The following CERK variants were observed in gnomAD, a reference collection of about 807,000 sequenced individuals.
CERK encodes ceramide kinase.
Under a neutral mutation model 63.4 loss-of-function variants are expected in CERK, and 39 were observed. That is an observed-to-expected ratio of 0.61 (90% CI 0.48 to 0.80). The LOEUF (loss-of-function observed/expected upper bound fraction) is 0.80, where lower values mean the gene tolerates loss of function less well. Among genes scored for constraint, CERK ranks in the 30% least tolerant of loss-of-function variants. The pLI is 0.00. For missense variants in CERK, 670 were observed against 714.1 expected (o/e 0.94, Z 0.70); for synonymous variants, 302 against 280.0 (o/e 1.08, Z -0.78).
At chr22:46,703,627 C>T (rs2082798518) in intron 6 of CERK, among the ~76,000 whole-genome samples, 1 of 152,210 alleles carries the variant, frequency 6.6e-6, no homozygotes, top group South Asian at 2.1e-4. Flanking sequence ...GGAGCAGAGA[C>T]TCCACACAGC....
intron 1 of CERK, chr22:46,735,100 C>A (rs1269084289): frequency 6.6e-6 from 1 of 151,044 alleles, no homozygotes; most frequent in Non-Finnish European, 1.5e-5. Context: ...CACACACACA[C>A]TCTTCCCATT....
intron 6 of CERK, among the ~76,000 whole-genome samples, chr22:46,702,874 A>T (rs914542131): frequency 2.0e-5 from 3 of 152,228 alleles, no homozygotes; most frequent in Non-Finnish European, 4.4e-5. Context: ...CTGTGGGAGT[A>T]GCTGTGCTGG....
chr22:46,690,228 T>A (rs1358757273), intron 11 of CERK, 28 bp from the exon 12 acceptor site: 1 of 1,602,806 alleles, frequency 6.2e-7, no homozygotes, highest in Non-Finnish European at 8.5e-7. Flanking sequence ...GAGGGACCAT[T>A]CAGCTCTAAA....
chr22:46,737,427 A>G, intron 1 of CERK, among the ~76,000 whole-genome samples: 1 of 152,182 alleles, frequency 6.6e-6, no homozygotes, highest in Non-Finnish European at 1.5e-5. Flanking sequence ...CCTCATCCGG[A>G]GGGCCTCTGC....
chr22:46,723,525 A>G (rs982448410), intron 1 of CERK, among the ~76,000 whole-genome samples: 2 of 151,998 alleles, frequency 1.3e-5, no homozygotes, highest in African/African-American at 4.8e-5. Context: ...AGATTGAAGC[A>G]TGAGAGTTGC....
chr22:46,722,153 G>T (rs2082895432), intron 1 of CERK, among the ~76,000 whole-genome samples: 1 of 152,182 alleles, frequency 6.6e-6, no homozygotes, highest in African/African-American at 2.4e-5. Context: ...TCCTAGGTTG[G>T]CTATAAAACC....
intron 9 of CERK, chr22:46,693,830 C>T (rs776533785): frequency 4.4e-5 from 16 of 361,182 alleles, no homozygotes; most frequent in Non-Finnish European, 6.4e-5. Flanking sequence ...GCACTGGTTC[C>T]CCCAGCGGAC....
intron 1 of CERK, among the ~76,000 whole-genome samples, chr22:46,723,341 G>A (rs1443459293): frequency 2.0e-5 from 3 of 152,136 alleles, no homozygotes; most frequent in South Asian, 2.1e-4. Flanking sequence ...AACACAGGGC[G>A]GACACAGTGG....
intron 8 of CERK, among the ~76,000 whole-genome samples, chr22:46,697,346 G>A (rs1365164017): frequency 6.6e-6 from 1 of 151,800 alleles, no homozygotes; most frequent in African/African-American, 2.4e-5. Flanking sequence ...TGTCGCTCCA[G>A]CTGCAGTGCA....
At position 46,701,626 on chromosome 22, in the gene CERK, A is replaced by G; in HGVS notation, c.790+10T>C. On this transcript the variant is annotated intron_variant, in intron 7 of 12. Coordinates refer to ENST00000216264, the MANE Select transcript of CERK (RefSeq NM_022766.6). ...CTGCCACCGTGCGCATGCGCAGAGG[A>G]GGGGCTCACCAACAACGATATGCAG... The G allele has an allele frequency of 6.4e-7, 1 of 1,553,732 alleles. No homozygotes were observed. The highest frequency in any genetic ancestry group is 8.7e-7 in the Non-Finnish European group (1 of 1,148,622).
At chr22:46,716,638 T>G (rs2082867878) in intron 3 of CERK, among the ~76,000 whole-genome samples, 1 of 151,808 alleles carries the variant, frequency 6.6e-6, no homozygotes, top group African/African-American at 2.4e-5. Flanking sequence ...CTACACATCA[T>G]TAAGAAAAAG....
At chr22:46,687,657 A>T (rs1044868499) in intron 12 of CERK, among the ~76,000 whole-genome samples, 1 of 151,630 alleles carries the variant, frequency 6.6e-6, no homozygotes, top group Non-Finnish European at 1.5e-5. Flanking sequence ...GGGCGACTCA[A>T]TGCGTGTAAG....
At chr22:46,724,403 C>T (rs1218638228) in intron 1 of CERK, among the ~76,000 whole-genome samples, 1 of 152,164 alleles carries the variant, frequency 6.6e-6, no homozygotes, top group Non-Finnish European at 1.5e-5. Context: ...GGGGCTGGGG[C>T]GCTAACCCCC....
At position 46,690,098 on chromosome 22, in the gene CERK, G is replaced by A; in HGVS notation, c.1435C>T (p.Arg479Cys). 4.3e-6 allele frequency: 7 copies of A among 1,614,008 alleles called. No homozygotes were observed. Among genetic ancestry groups the A allele is most frequent in the Middle Eastern group, 1.6e-4 (1 of 6,062 alleles). ...DSDLKEGGKK[R>C]FGHICSSHPS... ...TGGCTGCTGCAAATGTGCCCAAAGC[G>A]CTTCTTCCCCCCCTCCTTGAGGTCG... The change falls in exon 12 of 13, where the codon CGC becomes TGC. Residue 479 changes from arginine (R) to cysteine (C), a missense_variant. By Grantham distance (180) the Arg-to-Cys change is radical. Transcript: ENST00000216264.
chr22:46,736,619 G>T (rs1314250910), intron 1 of CERK, among the ~76,000 whole-genome samples: 2 of 152,194 alleles, frequency 1.3e-5, no homozygotes, highest in Non-Finnish European at 2.9e-5. Flanking sequence ...GCCCTGGTGG[G>T]TGATATTTGG....
chr22:46,692,125 G>A (rs993272729), intron 10 of CERK, among the ~76,000 whole-genome samples: 17 of 152,158 alleles, frequency 1.1e-4, no homozygotes, highest in African/African-American at 4.1e-4. Flanking sequence ...TGCTTTTCAC[G>A]TTTTTAAATC....
rs74947799 is a variant in CERK at position 46,715,992 on chromosome 22, C to G, written c.380-3699G>C. On this transcript the variant is annotated intron_variant, in intron 3 of 12. Transcript: ENST00000216264. ...TTTGAGCCTAGGAGTTTGAGACCAGCCTGGGCAACACAGCAAGACCCCAGC... is the reference window on the plus strand; with the variant it reads ...TTTGAGCCTAGGAGTTTGAGACCAGGCTGGGCAACACAGCAAGACCCCAGC... Among the ~76,000 whole-genome samples the G allele has an allele frequency of 9.9e-5, 15 of 152,154 alleles. No individual in the cohort carries two copies. In the East Asian group the frequency reaches 2.9e-3, roughly 29 times the overall value.
At chr22:46,704,824 C>CAA (rs11431926) in intron 6 of CERK, among the ~76,000 whole-genome samples, 5,267 of 83,506 alleles carry the variant, frequency 0.063, 596 homozygotes, top group African/African-American at 0.22. Flanking sequence ...GACTCCATCT[C>CAA]AAAAAAAAAA....
At chr22:46,719,148 TTGTGTG>T (rs10583580) in intron 3 of CERK, among the ~76,000 whole-genome samples, 9 of 149,898 alleles carry the variant, frequency 6.0e-5, no homozygotes, top group Non-Finnish European at 1.3e-4. Context: ...ACCTACCACT[TTGTGTG>T]TGTGTGTGTG....
Sources: gnomAD v4.1 joint callset for allele counts (sites outside exome capture counted in the v4.1 genomes callset) on GRCh38, gnomAD v4.1.1 for gene constraint, MANE v1.5 for transcripts, NCBI Gene and HGNC (gene_info 2026-07-23, HGNC 2026-07-21) for gene names.